Variants in BBOX1 observed in about 807,000 individuals in gnomAD.
BBOX1 encodes gamma-butyrobetaine hydroxylase 1.
BBOX1 carries 35 observed loss-of-function variants against 41.6 expected under a neutral mutation model. The ratio of observed to expected loss-of-function variants is 0.84; its 90% CI spans 0.64 to 1.11. BBOX1 has a LOEUF of 1.11. Ranked by LOEUF, BBOX1 falls within the 50% of genes most tolerant of loss-of-function variation. The pLI, the probability that BBOX1 is intolerant of heterozygous loss-of-function variation, is 0.00. For missense variants in BBOX1, 458 were observed against 460.6 expected (o/e 0.99, Z 0.05); for synonymous variants, 163 against 154.7 (o/e 1.05, Z -0.40).
At chr11:27,092,404 T>C (rs1350095887) in intron 4 of BBOX1, among the ~76,000 whole-genome samples, 2 of 151,970 alleles carry the variant, frequency 1.3e-5, no homozygotes, top group South Asian at 2.1e-4. Flanking sequence ...TGTTTTAGTT[T>C]CCTTGGCAAA....
chr11:27,060,919 T>G (rs1181815798), intron 4 of BBOX1, among the ~76,000 whole-genome samples: 2 of 152,198 alleles, frequency 1.3e-5, no homozygotes, highest in Non-Finnish European at 2.9e-5. Context: ...CTTCCTCCAA[T>G]GAGTGCATTG....
chr11:27,076,933 G>A (rs1246293499), intron 4 of BBOX1, among the ~76,000 whole-genome samples: 1 of 152,068 alleles, frequency 6.6e-6, no homozygotes, highest in African/African-American at 2.4e-5. Flanking sequence ...TCCACTAGCA[G>A]CAGCTAGCTA....
At chr11:27,087,962 C>T (rs1020218480) in intron 4 of BBOX1, among the ~76,000 whole-genome samples, 1 of 152,038 alleles carries the variant, frequency 6.6e-6, no homozygotes, top group Admixed American at 6.6e-5. Flanking sequence ...GTATTGACAG[C>T]TGTGCATTAT....
chr11:27,093,438 G>A (rs546050643), intron 5 of BBOX1, 72 bp downstream of exon 5: 320 of 1,456,854 alleles, frequency 2.2e-4, no homozygotes, highest in Non-Finnish European at 2.7e-4. Context: ...GAGGACGACC[G>A]CCTTGATTGA....
chr11:27,119,269 C>G (rs7926257), intron 6 of BBOX1, among the ~76,000 whole-genome samples: 1 of 151,932 alleles, frequency 6.6e-6, no homozygotes, highest in Non-Finnish European at 1.5e-5. Flanking sequence ...CTAACTTACC[C>G]GCCTCTTCCC....
chr11:27,059,882 G>A (rs1388789493), intron 4 of BBOX1, among the ~76,000 whole-genome samples: 1 of 152,192 alleles, frequency 6.6e-6, no homozygotes, highest in East Asian at 1.9e-4. Context: ...TATCTTGGAA[G>A]TACATAAATT....
chr11:27,071,890 T>C (rs1857461632), intron 4 of BBOX1, among the ~76,000 whole-genome samples: 2 of 152,144 alleles, frequency 1.3e-5, no homozygotes, highest in Admixed American at 1.3e-4. Flanking sequence ...CTAAAAACTC[T>C]CAATAAATTA....
chr11:27,073,891 C>T lies in BBOX1; in HGVS notation c.334+16576C>T, dbSNP rs1328345056. ...GAACACTTGGACACAGGAAGGGAAA[C>T]ATCACACACTGGGGCCTGTTGTGGG... On this transcript the variant is annotated intron_variant, in intron 4 of 8. Coordinates refer to ENST00000263182, the MANE Select transcript of BBOX1 (RefSeq NM_003986.3). 2.0e-5 allele frequency among the ~76,000 whole-genome samples: 3 copies of T among 151,680 alleles called. No individual in the cohort carries two copies. The East Asian group carries it at 5.8e-4, about 29-fold the overall frequency.
intron 4 of BBOX1, among the ~76,000 whole-genome samples, chr11:27,068,951 C>A (rs1235693973): frequency 6.6e-6 from 1 of 152,128 alleles, no homozygotes; most frequent in Non-Finnish European, 1.5e-5. Context: ...TTATATAGTA[C>A]CATGCTGTTT....
chr11:27,123,877 C>T (rs1008326967), intron 7 of BBOX1, among the ~76,000 whole-genome samples: 6 of 152,172 alleles, frequency 3.9e-5, no homozygotes, highest in Admixed American at 2.6e-4. Flanking sequence ...GTTATTAATA[C>T]ATGCAAATCT....
intron 4 of BBOX1, among the ~76,000 whole-genome samples, chr11:27,062,675 A>G (rs1325685858): frequency 6.6e-6 from 1 of 151,836 alleles, no homozygotes; most frequent in Admixed American, 6.6e-5. Flanking sequence ...CTCCTGCCTC[A>G]GCCTCCCGAG....
chr11:27,088,516 A>G (rs935753041), intron 4 of BBOX1, among the ~76,000 whole-genome samples: 3 of 152,026 alleles, frequency 2.0e-5, no homozygotes, highest in African/African-American at 7.2e-5. Flanking sequence ...AATTCTGACT[A>G]GGAGCCAAGG....
At chr11:27,120,197 T>TG (rs1318060823) in intron 7 of BBOX1, among the ~76,000 whole-genome samples, 4 of 152,126 alleles carry the variant, frequency 2.6e-5, no homozygotes, top group African/African-American at 4.8e-5. Context: ...AGTTAAACAA[T>TG]GTCATGTGAT....
intron 4 of BBOX1, among the ~76,000 whole-genome samples, chr11:27,069,472 A>T (rs1339268047): frequency 3.9e-5 from 6 of 152,062 alleles, no homozygotes; most frequent in African/African-American, 1.4e-4. Context: ...AGTCTTTTGG[A>T]GGAGCCTTTA....
At chr11:27,083,496 C>T (rs578103400) in intron 4 of BBOX1, among the ~76,000 whole-genome samples, 2 of 152,080 alleles carry the variant, frequency 1.3e-5, no homozygotes, top group African/African-American at 4.8e-5. Flanking sequence ...TCCCACTGTC[C>T]CTCCTACCTA....
rs761374971 is a variant in BBOX1 at position 27,055,501 on chromosome 11, A to AGG, written c.72_73dup (p.Glu25GlyfsTer11). The stretch of plus-strand genomic sequence containing the variant: ...TTGATGCAGATCCTCTGGTATGATG[A>AGG]GGAAGAGTCTCTCTACCCAGCTGTA... On this transcript the variant is annotated frameshift_variant, in exon 3 of 9. Coordinates refer to ENST00000263182, the MANE Select transcript of BBOX1 (RefSeq NM_003986.3). LOFTEE classifies it high-confidence loss of function. The AGG allele has an allele frequency of 1.2e-6, 2 of 1,614,198 alleles. No individual in the cohort carries two copies. The highest frequency in any genetic ancestry group is 1.7e-6 in the Non-Finnish European group (2 of 1,180,028).
At chr11:27,096,635 G>T (rs1858449141) in intron 5 of BBOX1, among the ~76,000 whole-genome samples, 1 of 151,954 alleles carries the variant, frequency 6.6e-6, no homozygotes, top group Admixed American at 6.6e-5. Context: ...AAATGCATGA[G>T]TCTAAAATGA....
rs754938399 is a variant in BBOX1, at chr11:27,057,353, T to A, written c.334+38T>A. 7.4e-6 allele frequency: 11 copies of A among 1,483,058 alleles called. No individual in the cohort carries two copies. In the South Asian group the frequency reaches 1.3e-4, roughly 18 times the overall value. The allele number at this position is 1,483,058 out of a possible 1,614,324, so 91.9% of individuals were successfully genotyped here. A position where few individuals can be genotyped will look rare whatever the true frequency, so the allele number is the denominator to read the frequency against. Reference sequence around the variant, plus strand: ...AAGTCTTCAATGTCTTTTTAAACCCTTACAGTAAAGGATTTTTATTAAGAA... The same window carrying A: ...AAGTCTTCAATGTCTTTTTAAACCCATACAGTAAAGGATTTTTATTAAGAA... On this transcript the variant is annotated intron_variant, in intron 4 of 8. Transcript: ENST00000263182.
chr11:27,054,523 C>A (rs10835108), intron 2 of BBOX1, among the ~76,000 whole-genome samples: 69,983 of 151,930 alleles, frequency 0.46, 16,498 homozygotes, highest in African/African-American at 0.57. Flanking sequence ...GGATCAACAC[C>A]GTTGCTCAAG....
Sources: allele counts gnomAD v4.1 joint callset (sites outside exome capture counted in the v4.1 genomes callset), GRCh38; gene constraint gnomAD v4.1.1; transcripts MANE v1.5; gene names NCBI Gene and HGNC (gene_info 2026-07-23, HGNC 2026-07-21).